The following ERICH3 variants were observed in gnomAD, a reference collection of about 807,000 sequenced individuals.
ERICH3 encodes glutamate-rich protein 3.
ERICH3 carries 126 observed loss-of-function variants against 131.1 expected under a neutral mutation model. That is an observed-to-expected ratio of 0.96 (90% CI 0.83 to 1.11). The LOEUF (loss-of-function observed/expected upper bound fraction) is 1.11, where lower values mean the gene tolerates loss of function less well. Ranked by LOEUF, ERICH3 falls within the 50% of genes most tolerant of loss-of-function variation. The pLI, the probability that ERICH3 is intolerant of heterozygous loss-of-function variation, is 0.00. For synonymous variants in ERICH3, 695 were observed against 644.6 expected, an observed-to-expected ratio of 1.08 and a Z score of -1.18; for missense variants, 2,050 against 1,810.7, an observed-to-expected ratio of 1.13 and a Z score of -2.40.
chr1:74,571,907 A>G lies in ERICH3; in HGVS notation c.3803T>C (p.Leu1268Pro). 1 of 1,612,458 alleles carries G rather than the reference A, an allele frequency of 6.2e-7. No homozygotes were observed. The highest frequency in any genetic ancestry group is 1.1e-5 in the South Asian group (1 of 91,084). ...AEGQGGVDVV[L>P]RTQEAVAEED... ...CTCAGCAACAGCTTCCTGGGTCCTT[A>G]GCACGACATCCACTCCTCCTTGCCC... The change falls in exon 14 of 15, where the codon CTA becomes CCA. Residue 1268 changes from leucine (L) to proline (P), a missense_variant. Physicochemically the swap from Leu to Pro is moderately conservative, Grantham distance 98. Transcript: ENST00000326665.
chr1:74,571,537 A>G lies in ERICH3; in HGVS notation c.4173T>C (p.Asp1391=), dbSNP rs374113599. 6.2e-7 allele frequency: 1 copy of G among 1,613,760 alleles called. No individual in the cohort carries two copies. The highest frequency in any genetic ancestry group is 1.3e-5 in the African/African-American group (1 of 74,818). The change falls in exon 14 of 15, where the codon GAT becomes GAC. Residue 1391 remains aspartate, a synonymous_variant. Coordinates refer to ENST00000326665, the MANE Select transcript of ERICH3 (RefSeq NM_001002912.5). The part of the protein sequence containing the change: ...VAEEETWHQQ[D]ELVGKTAAAG... ...CAGCTGCTGTTTTTCCTACTAACTC[A>G]TCCTGTTGGTGCCAGGTTTCTTCCT...
intron 1 of ERICH3, among the ~76,000 whole-genome samples, chr1:74,663,639 A>G (rs1032870880): frequency 5.9e-5 from 9 of 151,830 alleles, no homozygotes; most frequent in Non-Finnish European, 1.0e-4. Flanking sequence ...AAAAAAAAAA[A>G]AAGAAGTCTT....
Position 74,663,584 on chromosome 1 carries a change from G to T in ERICH3, c.23+9913C>A, listed in dbSNP as rs1173816051. On this transcript the variant is annotated intron_variant, in intron 1 of 14. Coordinates refer to ENST00000326665, the MANE Select transcript of ERICH3 (RefSeq NM_001002912.5). The stretch of plus-strand genomic sequence containing the variant: ...CATGAGAAATAAAGGAAAGTCTAAT[G>T]GAAGGGTTCTAAAAATGGTGTCCTT... Among the ~76,000 whole-genome samples, 3 of 148,614 alleles carry T rather than the reference G, an allele frequency of 2.0e-5. No homozygotes were observed. The Admixed American group carries it at 2.0e-4, about 10-fold the overall frequency.
At chr1:74,666,142 TAAGA>T (rs984136199) in intron 1 of ERICH3, among the ~76,000 whole-genome samples, 3 of 152,132 alleles carry the variant, frequency 2.0e-5, no homozygotes, top group East Asian at 1.9e-4. Context: ...TGAGGATCTC[TAAGA>T]AAGTCCCCAG....
At chr1:74,587,446 A>G (rs1224096838) in intron 12 of ERICH3, among the ~76,000 whole-genome samples, 1 of 152,088 alleles carries the variant, frequency 6.6e-6, no homozygotes, top group Non-Finnish European at 1.5e-5. Flanking sequence ...AGATGTTATC[A>G]AGTCAAGACC....
intron 6 of ERICH3, among the ~76,000 whole-genome samples, chr1:74,632,956 G>T (rs1055351550): frequency 9.9e-5 from 15 of 151,708 alleles, no homozygotes; most frequent in Non-Finnish European, 2.2e-4. Flanking sequence ...TTCACAAATT[G>T]GTAATTTTTG....
chr1:74,613,232 C>A (rs537006060), intron 8 of ERICH3, among the ~76,000 whole-genome samples: 42 of 152,168 alleles, frequency 2.8e-4, no homozygotes, highest in South Asian at 6.2e-4. Context: ...TATAAAAATT[C>A]TTTGATTTGT....
At chr1:74,628,052 C>A (rs1017215916) in intron 7 of ERICH3, among the ~76,000 whole-genome samples, 1 of 152,216 alleles carries the variant, frequency 6.6e-6, no homozygotes, top group South Asian at 2.1e-4. Flanking sequence ...ACATACTGTA[C>A]TGCTGTAATA....
chr1:74,596,137 G>T (rs1647835570), intron 11 of ERICH3, among the ~76,000 whole-genome samples: 1 of 152,000 alleles, frequency 6.6e-6, no homozygotes, highest in Non-Finnish European at 1.5e-5. Context: ...AAGTTTATAA[G>T]ATTTACTTCT....
Position 74,569,620 on chromosome 1 carries a change from T to G in ERICH3, c.*838A>C, listed in dbSNP as rs1646912935. On this transcript the variant is annotated 3_prime_UTR_variant, in exon 15 of 15. Transcript: ENST00000326665. The stretch of plus-strand genomic sequence containing the variant: ...TAAAGAGTCTAGAATGTTGGCATAA[T>G]GCTGATGTGCTATGCTTACCACTAT... 6.6e-6 allele frequency: 1 copy of G among 152,192 alleles called. No homozygotes were observed. The highest frequency in any genetic ancestry group is 1.9e-4 in the East Asian group (1 of 5,196). 9.4% of individuals were successfully genotyped at this position (152,192 alleles called of 1,614,324 possible).
chr1:74,670,417 C>T (rs981338843), intron 1 of ERICH3, among the ~76,000 whole-genome samples: 3 of 152,144 alleles, frequency 2.0e-5, no homozygotes, highest in Admixed American at 6.5e-5. Flanking sequence ...CCTAGCAATG[C>T]TACCTCTAGA....
At chr1:74,619,719 G>A (rs1389169213) in intron 8 of ERICH3, among the ~76,000 whole-genome samples, 3 of 152,118 alleles carry the variant, frequency 2.0e-5, no homozygotes, top group Non-Finnish European at 4.4e-5. Flanking sequence ...AATAAACAAG[G>A]TAAATTGCAT....
At position 74,572,097 on chromosome 1, in the gene ERICH3, T is replaced by C. The variant is rs760686430; in HGVS notation, c.3613A>G (p.Lys1205Glu). ...TCTCCATCTTGGCGGTGCCCTTCCT[T>C]CAGGGCCCTATTCTCCCTGCTGGAC... ...ELSSRENRALKEGHRQDGEGA... is the reference protein window; with the variant it reads ...ELSSRENRALEEGHRQDGEGA... Residue 1205 changes from lysine (K) to glutamate (E), a missense_variant, in exon 14 of 15, where the codon AAG (lysine) becomes GAG (glutamate). Physicochemically the swap from Lys to Glu is moderately conservative, Grantham distance 56. Coordinates refer to ENST00000326665, the MANE Select transcript of ERICH3 (RefSeq NM_001002912.5). 1.2e-6 allele frequency: 2 copies of C among 1,614,214 alleles called. No homozygotes were observed. Among genetic ancestry groups the C allele is most frequent in the Non-Finnish European group, 1.7e-6 (2 of 1,180,036 alleles).
chr1:74,573,941 AAT>A (rs1382090732), intron 13 of ERICH3, among the ~76,000 whole-genome samples: 2 of 151,836 alleles, frequency 1.3e-5, no homozygotes, highest in South Asian at 4.2e-4. Flanking sequence ...CAATAAGAAA[AAT>A]AGCATTTAAT....
rs565023040 is a variant in ERICH3, at chr1:74,569,848, T to A, written c.*610A>T. The A allele has an allele frequency of 6.6e-6, 1 of 152,308 alleles. No individual in the cohort carries two copies. The highest frequency in any genetic ancestry group is 2.1e-4 in the South Asian group (1 of 4,830). The allele number at this position is 152,308 out of a possible 1,614,324, so 9.4% of individuals were successfully genotyped here. A position where few individuals can be genotyped will look rare whatever the true frequency, so the allele number is the denominator to read the frequency against. ...TTCCACTTTGTTATTCTGGCATAAA[T>A]TAAAAGAATGAATATTTCTAAGTAT... On this transcript the variant is annotated 3_prime_UTR_variant, in exon 15 of 15. Transcript: ENST00000326665.
At chr1:74,659,179 G>A (rs572541694) in intron 1 of ERICH3, among the ~76,000 whole-genome samples, 1 of 152,246 alleles carries the variant, frequency 6.6e-6, no homozygotes, top group South Asian at 2.1e-4. Flanking sequence ...GGCAGGCGCG[G>A]GAACTTACAA....
At position 74,571,871 on chromosome 1, in the gene ERICH3, A is replaced by G. The variant is rs1646954763; in HGVS notation, c.3839T>C (p.Ile1280Thr). The G allele has an allele frequency of 3.1e-6, 5 of 1,611,794 alleles. No homozygotes were observed. In the South Asian group the frequency reaches 3.3e-5, roughly 11 times the overall value. Residue 1280 changes from isoleucine (I) to threonine (T), a missense_variant, in exon 14 of 15, where the codon ATA (isoleucine) becomes ACA (threonine). Ile to Thr is a moderately conservative substitution (Grantham distance 89). Coordinates refer to ENST00000326665, the MANE Select transcript of ERICH3 (RefSeq NM_001002912.5). ...TTCCTCCCTGAACTTTTCTGCCATT[A>G]TGGGATCTTCCTCAGCAACAGCTTC... ...TQEAVAEEDP[I>T]MAEKFREEAV...
chr1:74,580,102 A>C (rs924883853), intron 12 of ERICH3, among the ~76,000 whole-genome samples: 1 of 152,078 alleles, frequency 6.6e-6, no homozygotes, highest in Non-Finnish European at 1.5e-5. Context: ...AAACTAAAGG[A>C]TACAAAGAAG....
intron 11 of ERICH3, among the ~76,000 whole-genome samples, chr1:74,598,624 A>G (rs1647969158): frequency 6.6e-6 from 1 of 151,906 alleles, no homozygotes; most frequent in African/African-American, 2.4e-5. Flanking sequence ...AAATATTCAC[A>G]GAAAAGGAAA....
Sources: gnomAD v4.1 joint callset for allele counts (sites outside exome capture counted in the v4.1 genomes callset) on GRCh38, gnomAD v4.1.1 for gene constraint, MANE v1.5 for transcripts, NCBI Gene and HGNC (gene_info 2026-07-23, HGNC 2026-07-21) for gene names.